Variants in SH2B2 observed in about 807,000 individuals in gnomAD.
The protein encoded by SH2B2 is SH2B adapter protein 2.
SH2B2 carries 37 observed loss-of-function variants against 35.7 expected under a neutral mutation model. The observed-to-expected ratio is 1.04, with a 90% CI of 0.80 to 1.36. The LOEUF is 1.36. SH2B2 is among the 40% of genes most tolerant of loss of function. The probability of loss-of-function intolerance (pLI) is 0.00; values close to 1 mark genes in which losing one functional copy is unlikely to be tolerated. For missense variants in SH2B2, 852 were observed against 817.7 expected (o/e 1.04, Z -0.51); for synonymous variants, 383 against 376.4 (o/e 1.02, Z -0.20).
intron 1 of SH2B2, 118 bp from the exon 2 acceptor site, chr7:102,300,404 G>A (rs1793098514): frequency 4.0e-6 from 5 of 1,248,204 alleles, no homozygotes; most frequent in Non-Finnish European, 5.4e-6. Context: ...ACACACACGT[G>A]TGCATGTACA....
upstream of SH2B2, among the ~76,000 whole-genome samples, chr7:102,285,716 C>A (rs1265760894): frequency 6.6e-6 from 1 of 152,220 alleles, no homozygotes; most frequent in Non-Finnish European, 1.5e-5. Context: ...TCAGTTTGGG[C>A]CCGGGAGGGC....
intron 2 of SH2B2, among the ~76,000 whole-genome samples, chr7:102,301,504 C>T (rs568635189): frequency 5.9e-5 from 9 of 152,184 alleles, no homozygotes; most frequent in African/African-American, 2.2e-4. Context: ...TCTGGCTACA[C>T]CAAAGGGTTC....
At chr7:102,287,569 C>T (rs1792504629) in intron 1 of SH2B2, among the ~76,000 whole-genome samples, 1 of 152,220 alleles carries the variant, frequency 6.6e-6, no homozygotes, top group Admixed American at 6.5e-5. Flanking sequence ...CAGGCACGCC[C>T]TCCCTTTGGC....
At chr7:102,315,502 T>C (rs1281247629) in intron 6 of SH2B2, among the ~76,000 whole-genome samples, 1 of 151,820 alleles carries the variant, frequency 6.6e-6, no homozygotes, top group Non-Finnish European at 1.5e-5. Flanking sequence ...CTCATTTTTG[T>C]ATTTTTGGTA....
At chr7:102,298,485 G>A (rs1554552908) in intron 1 of SH2B2, among the ~76,000 whole-genome samples, 5 of 152,128 alleles carry the variant, frequency 3.3e-5, no homozygotes, top group Non-Finnish European at 7.4e-5. Context: ...GAAGTACAGT[G>A]GTGCCATCAC....
At chr7:102,288,692 G>A (rs1285132351) in intron 1 of SH2B2, among the ~76,000 whole-genome samples, 1 of 152,132 alleles carries the variant, frequency 6.6e-6, no homozygotes, top group Non-Finnish European at 1.5e-5. Context: ...TGAGCTTTTG[G>A]TTTCAAACTT....
intron 3 of SH2B2, among the ~76,000 whole-genome samples, chr7:102,307,316 AG>A (rs1554555089): frequency 6.6e-6 from 1 of 152,200 alleles, no homozygotes; most frequent in Non-Finnish European, 1.5e-5. Context: ...CACCGCTGCC[AG>A]GGTGGCCTGC....
At chr7:102,287,565 C>T (rs1554551086) in intron 1 of SH2B2, among the ~76,000 whole-genome samples, 1 of 152,202 alleles carries the variant, frequency 6.6e-6, no homozygotes, top group Non-Finnish European at 1.5e-5. Context: ...GCCACAGGCA[C>T]GCCCTCCCTT....
At chr7:102,309,355 CTT>C (rs35826295) in intron 4 of SH2B2, 9,479 of 180,122 alleles carry the variant, frequency 0.053, no homozygotes, top group South Asian at 0.087. Flanking sequence ...CTCTCTCTCT[CTT>C]TTTTTTTTTT....
intron 4 of SH2B2, among the ~76,000 whole-genome samples, chr7:102,310,529 C>A (rs1554555845): frequency 6.6e-6 from 1 of 152,078 alleles, no homozygotes; most frequent in Non-Finnish European, 1.5e-5. Flanking sequence ...AAGGTTGGCT[C>A]CACCATCCAG....
chr7:102,306,894 C>A, intron 3 of SH2B2, 72 bp downstream of exon 3: 1 of 1,226,636 alleles, frequency 8.2e-7, no homozygotes, highest in South Asian at 1.3e-5. Context: ...TGCTACAGCT[C>A]CCTAGGGGAG....
intron 1 of SH2B2, among the ~76,000 whole-genome samples, chr7:102,294,732 T>C (rs557736521): frequency 3.9e-4 from 60 of 152,254 alleles, no homozygotes; most frequent in African/African-American, 1.3e-3. Flanking sequence ...GCCTCCCCTC[T>C]ACAGAGAACC....
At chr7:102,286,054 C>A (rs1554550807), upstream of SH2B2, among the ~76,000 whole-genome samples, 1 of 152,258 alleles carries the variant, frequency 6.6e-6, no homozygotes, top group African/African-American at 2.4e-5. Flanking sequence ...TTTCCTCAGC[C>A]CCACTGGTCT....
At chr7:102,306,917 G>T in intron 3 of SH2B2, 95 bp downstream of exon 3, 1 of 987,210 alleles carries the variant, frequency 1.0e-6, no homozygotes, top group East Asian at 2.6e-5. Flanking sequence ...AGGGGAAGGA[G>T]CCTAAGGCAG....
chr7:102,295,968 T>G (rs992797682), intron 1 of SH2B2, among the ~76,000 whole-genome samples: 14 of 152,070 alleles, frequency 9.2e-5, no homozygotes, highest in African/African-American at 3.4e-4. Context: ...CCCTCTTTAT[T>G]TTCTTTGCAC....
In SH2B2 at chr7:102,314,440, A is replaced by T. The variant is rs990785207; in HGVS notation, c.1015+13A>T. On this transcript the variant is annotated intron_variant, in intron 5 of 8. Coordinates refer to ENST00000444095, the MANE Select transcript of SH2B2 (RefSeq NM_001359228.2). ...CTCCTGACTGATGGTAGGTAGGGGG[A>T]CAGGGTTGAAGGAGGGGCACACTCA... The T allele has an allele frequency of 1.2e-4, 47 of 398,658 alleles. No homozygotes were observed. The South Asian group carries it at 5.9e-3, about 50-fold the overall frequency. The allele number at this position is 398,658 out of a possible 1,614,324, so 24.7% of individuals were successfully genotyped here.
intron 2 of SH2B2, 77 bp from the exon 3 acceptor site, chr7:102,306,644 C>T (rs781891246): frequency 1.8e-5 from 19 of 1,067,140 alleles, no homozygotes; most frequent in Non-Finnish European, 2.7e-5. Flanking sequence ...GCCACTCTAA[C>T]ACCTGGCAGC....
chr7:102,313,879 C>A (rs950214064), intron 4 of SH2B2, among the ~76,000 whole-genome samples: 1 of 151,980 alleles, frequency 6.6e-6, no homozygotes, highest in African/African-American at 2.4e-5. Flanking sequence ...CCACTGCACT[C>A]CAGCCCTGGC....
chr7:102,298,130 CAG>C (rs1792996324), intron 1 of SH2B2, among the ~76,000 whole-genome samples: 1 of 152,156 alleles, frequency 6.6e-6, no homozygotes, highest in Non-Finnish European at 1.5e-5. Context: ...GAGGGGTAAA[CAG>C]AGGCAGATTA....
Sources: gnomAD v4.1 joint callset for allele counts (sites outside exome capture counted in the v4.1 genomes callset) on GRCh38, gnomAD v4.1.1 for gene constraint, MANE v1.5 for transcripts, NCBI Gene and HGNC (gene_info 2026-07-23, HGNC 2026-07-21) for gene names.